LYPD6: variants seen among roughly 807,000 people sequenced by gnomAD.
The protein encoded by LYPD6 is LY6/PLAUR domain containing 6, also known as ly6/PLAUR domain-containing protein 6.
Under a neutral mutation model 22.7 loss-of-function variants are expected in LYPD6, and 15 were observed. That is an observed-to-expected ratio of 0.66 (90% CI 0.44 to 1.02). The LOEUF (loss-of-function observed/expected upper bound fraction) is 1.02. Ranked by LOEUF, LYPD6 falls within the 50% of genes least tolerant of loss-of-function variation. The probability of loss-of-function intolerance (pLI) is 0.00; values close to 1 mark genes in which losing one functional copy is unlikely to be tolerated. For missense variants in LYPD6, 189 were observed against 208.4 expected (o/e 0.91, Z 0.57); for synonymous variants, 72 against 77.5 (o/e 0.93, Z 0.37).
intron 1 of LYPD6, among the ~76,000 whole-genome samples, chr2:149,347,187 G>C (rs1267979903): frequency 6.6e-6 from 1 of 151,948 alleles, no homozygotes; most frequent in Non-Finnish European, 1.5e-5. Flanking sequence ...AGGAGGAGGA[G>C]GTGGAGGAAG....
chr2:149,476,405 C>T (rs1347356380), downstream of LYPD6, among the ~76,000 whole-genome samples: 1 of 151,972 alleles, frequency 6.6e-6, no homozygotes, highest in Non-Finnish European at 1.5e-5. Context: ...TAAATTAGAC[C>T]TTATCAGTTA....
At chr2:149,412,751 C>G (rs1682879010) in intron 1 of LYPD6, among the ~76,000 whole-genome samples, 1 of 151,704 alleles carries the variant, frequency 6.6e-6, no homozygotes, top group East Asian at 1.9e-4. Flanking sequence ...TTTTTTTAAG[C>G]AAAAAAAGTA....
At chr2:149,478,198 G>C (rs1681471620), downstream of LYPD6, among the ~76,000 whole-genome samples, 2 of 152,070 alleles carry the variant, frequency 1.3e-5, no homozygotes, top group Non-Finnish European at 1.5e-5. Context: ...GGGACAGCAA[G>C]GGCTTCTCTT....
intron 1 of LYPD6, among the ~76,000 whole-genome samples, chr2:149,414,906 T>C (rs944445245): frequency 3.9e-5 from 6 of 152,308 alleles, no homozygotes; most frequent in African/African-American, 1.2e-4. Context: ...AAAACAGTCA[T>C]GGGGTGCGTT....
intron 1 of LYPD6, among the ~76,000 whole-genome samples, chr2:149,360,126 T>G (rs1302015679): frequency 6.6e-6 from 1 of 152,204 alleles, no homozygotes; most frequent in Non-Finnish European, 1.5e-5. Flanking sequence ...ATTTGTAAAC[T>G]GTCATGGTGC....
chr2:149,423,564 CA>C (rs1683127830), intron 1 of LYPD6, among the ~76,000 whole-genome samples: 1 of 152,062 alleles, frequency 6.6e-6, no homozygotes, highest in African/African-American at 2.4e-5. Context: ...GTGTCCTAGC[CA>C]GGGTGGCAGG....
At position 149,470,898 on chromosome 2, in the gene LYPD6, G is replaced by A. The variant is rs765330211; in HGVS notation, c.*48G>A. The A allele has an allele frequency of 6.5e-7, 1 of 1,549,306 alleles. No homozygotes were observed. The highest frequency in any genetic ancestry group is 8.9e-7 in the Non-Finnish European group (1 of 1,127,672). Reference sequence around the variant, plus strand: ...AATAGCGATCCATGGGGATCTCGATGGTCCACAGACCTGCATGAGTCATTG... The same window carrying A: ...AATAGCGATCCATGGGGATCTCGATAGTCCACAGACCTGCATGAGTCATTG... On this transcript the variant is annotated 3_prime_UTR_variant, in exon 5 of 5. Transcript: ENST00000334166.
chr2:149,464,537 G>A (rs186082932), intron 3 of LYPD6: 1 of 156,844 alleles, frequency 6.4e-6, no homozygotes, highest in Non-Finnish European at 1.4e-5. Flanking sequence ...ATTAACTGAT[G>A]ATTCTATCAG....
downstream of LYPD6, among the ~76,000 whole-genome samples, chr2:149,475,139 AAGTT>A (rs1372317457): frequency 6.6e-6 from 1 of 152,200 alleles, no homozygotes; most frequent in African/African-American, 2.4e-5. Flanking sequence ...AGCTCTATAA[AAGTT>A]AGAAGTGGTG....
intron 1 of LYPD6, among the ~76,000 whole-genome samples, chr2:149,356,568 CAT>C (rs1400104435): frequency 6.6e-6 from 1 of 152,130 alleles, no homozygotes; most frequent in African/African-American, 2.4e-5. Flanking sequence ...TGGGGCAAGA[CAT>C]ATTGTAGACA....
At chr2:149,347,430 G>A (rs1043912750) in intron 1 of LYPD6, among the ~76,000 whole-genome samples, 2 of 152,012 alleles carry the variant, frequency 1.3e-5, no homozygotes, top group East Asian at 1.9e-4. Context: ...TCTCTCTGGC[G>A]TTCCCCCTAT....
At chr2:149,422,506 G>A (rs1401593723) in intron 1 of LYPD6, among the ~76,000 whole-genome samples, 5 of 152,150 alleles carry the variant, frequency 3.3e-5, no homozygotes, top group Admixed American at 2.6e-4. Context: ...GCTGTTGGGT[G>A]TGGCTGCCAC....
At chr2:149,460,720 A>G (rs758697511) in intron 3 of LYPD6, among the ~76,000 whole-genome samples, 1 of 152,128 alleles carries the variant, frequency 6.6e-6, no homozygotes, top group Non-Finnish European at 1.5e-5. Context: ...ATACCAAAAT[A>G]AACTATATCC....
chr2:149,426,765 T>G (rs906242813), intron 1 of LYPD6, among the ~76,000 whole-genome samples: 3 of 151,850 alleles, frequency 2.0e-5, no homozygotes, highest in African/African-American at 7.3e-5. Context: ...TTTCAGACAA[T>G]GTGGTGAGGG....
chr2:149,443,374 T>C (rs1191541467), intron 2 of LYPD6, among the ~76,000 whole-genome samples: 1 of 152,226 alleles, frequency 6.6e-6, no homozygotes, highest in East Asian at 1.9e-4. Context: ...CAGATAAAAT[T>C]GGATGCCCCA....
At chr2:149,429,964 C>T (rs1015268421) in intron 1 of LYPD6, among the ~76,000 whole-genome samples, 3 of 152,140 alleles carry the variant, frequency 2.0e-5, no homozygotes, top group Non-Finnish European at 4.4e-5. Flanking sequence ...TGCTCTATGA[C>T]CTAGCTTTGG....
At chr2:149,444,090 C>T (rs1377151635) in intron 2 of LYPD6, among the ~76,000 whole-genome samples, 4 of 151,938 alleles carry the variant, frequency 2.6e-5, no homozygotes, top group African/African-American at 4.8e-5. Context: ...TGCGCCACCA[C>T]GCCTGGCTAA....
rs868132040 is a variant in LYPD6, at chr2:149,354,488, G to A, written c.-72+23766G>A. On this transcript the variant is annotated intron_variant, in intron 1 of 4. Coordinates refer to ENST00000334166, the MANE Select transcript of LYPD6 (RefSeq NM_194317.5). ...CCCAAAGTGCTGGCATTACAGGCAT[G>A]AACCACCGCACCTGGCCTCCTATAG... Among the ~76,000 whole-genome samples, 9 of 152,220 alleles carry A rather than the reference G, an allele frequency of 5.9e-5. No individual in the cohort carries two copies. In the Middle Eastern group the frequency reaches 0.02, roughly 345 times the overall value.
chr2:149,414,657 C>A (rs1022380808), intron 1 of LYPD6, among the ~76,000 whole-genome samples: 1 of 152,146 alleles, frequency 6.6e-6, no homozygotes, highest in East Asian at 1.9e-4. Flanking sequence ...GTATTGAATT[C>A]TCAGAAAATA....
Sources: gnomAD v4.1 joint callset for allele counts (sites outside exome capture counted in the v4.1 genomes callset) on GRCh38, gnomAD v4.1.1 for gene constraint, MANE v1.5 for transcripts, NCBI Gene and HGNC (gene_info 2026-07-23, HGNC 2026-07-21) for gene names.